ADGRL3: variants seen among roughly 807,000 people sequenced by gnomAD.
ADGRL3 encodes the protein adhesion G protein-coupled receptor L3, also known as calcium-independent alpha-latrotoxin receptor 3.
In ADGRL3, 62 loss-of-function variants were observed where a neutral mutation model predicts 153.5. The observed-to-expected ratio is 0.40, with a 90% confidence interval of 0.33 to 0.50. ADGRL3 has a LOEUF of 0.50. Among genes scored for constraint, ADGRL3 ranks in the 20% least tolerant of loss-of-function variants. ADGRL3 has a pLI of 0.47. For missense variants in ADGRL3, 1,641 were observed against 1,859.4 expected (o/e 0.88, Z 2.16); for synonymous variants, 710 against 672.5 (o/e 1.06, Z -0.86).
chr4:61,536,450 TAATC>T (rs1215790471), intron 4 of ADGRL3, among the ~76,000 whole-genome samples: 3 of 152,118 alleles, frequency 2.0e-5, no homozygotes, highest in Non-Finnish European at 4.4e-5. Context: ...TCTGCGTTGA[TAATC>T]TATCTACTGC....
intron 5 of ADGRL3, among the ~76,000 whole-genome samples, chr4:61,611,359 A>G (rs942917533): frequency 1.3e-5 from 2 of 152,140 alleles, no homozygotes; most frequent in South Asian, 2.1e-4. Context: ...GTGCTGGCCT[A>G]TATAGTTTCC....
intron 1 of ADGRL3, among the ~76,000 whole-genome samples, chr4:61,261,244 C>G (rs1379561907): frequency 1.4e-5 from 2 of 141,612 alleles, no homozygotes; most frequent in African/African-American, 5.4e-5. Flanking sequence ...GTTCCCCAGG[C>G]TGGTTTCAAA....
chr4:61,628,174 A>G (rs2092945392), intron 5 of ADGRL3, among the ~76,000 whole-genome samples: 2 of 152,272 alleles, frequency 1.3e-5, no homozygotes, highest in South Asian at 4.1e-4. Context: ...AAGTACTAAT[A>G]TTGTCTCCTA....
chr4:62,036,726 C>G (rs111334667), intron 23 of ADGRL3, among the ~76,000 whole-genome samples: 5 of 151,748 alleles, frequency 3.3e-5, no homozygotes, highest in Non-Finnish European at 7.4e-5. Flanking sequence ...TGCACTAATG[C>G]GAAATCAAAT....
chr4:61,716,872 T>C (rs1254390453), intron 6 of ADGRL3, among the ~76,000 whole-genome samples: 1 of 152,124 alleles, frequency 6.6e-6, no homozygotes, highest in African/African-American at 2.4e-5. Flanking sequence ...ATACTGTCTT[T>C]CCTTTTATTA....
intron 5 of ADGRL3, among the ~76,000 whole-genome samples, chr4:61,671,541 T>C (rs2150797106): frequency 6.6e-6 from 1 of 152,348 alleles, no homozygotes; most frequent in East Asian, 1.9e-4. Flanking sequence ...GCATATCTTT[T>C]TGATTGCAGA....
intron 9 of ADGRL3, among the ~76,000 whole-genome samples, chr4:61,841,309 C>T (rs2098028620): frequency 1.3e-5 from 2 of 152,112 alleles, no homozygotes; most frequent in African/African-American, 2.4e-5. Context: ...TGGAGGCTCA[C>T]GTATTTGCAT....
intron 8 of ADGRL3, among the ~76,000 whole-genome samples, chr4:61,735,566 G>T (rs74984756): frequency 0.15 from 23,098 of 152,012 alleles, 2,021 homozygotes; most frequent in Admixed American, 0.19. Context: ...TTTCATAGCT[G>T]TGATATTCTT....
intron 13 of ADGRL3, among the ~76,000 whole-genome samples, chr4:61,924,487 A>G (rs921748961): frequency 2.0e-5 from 3 of 152,304 alleles, no homozygotes; most frequent in Admixed American, 1.3e-4. Context: ...CAATTTCTCA[A>G]TATCTTCACT....
At chr4:61,798,884 G>A (rs2097448529) in intron 8 of ADGRL3, among the ~76,000 whole-genome samples, 1 of 150,844 alleles carries the variant, frequency 6.6e-6, no homozygotes, top group Non-Finnish European at 1.5e-5. Context: ...CCAAAGTGCT[G>A]GGATCATAGG....
chr4:61,435,209 G>C (rs966580603), intron 2 of ADGRL3, among the ~76,000 whole-genome samples: 1 of 151,922 alleles, frequency 6.6e-6, no homozygotes, highest in Non-Finnish European at 1.5e-5. Flanking sequence ...ATTTGATATA[G>C]AGCTATTTTA....
intron 2 of ADGRL3, among the ~76,000 whole-genome samples, chr4:61,417,096 G>C (rs1269234392): frequency 1.3e-5 from 2 of 152,092 alleles, no homozygotes; most frequent in African/African-American, 4.8e-5. Flanking sequence ...ATCCTAGGTG[G>C]TAATGTTTGC....
chr4:61,636,503 A>G (rs1442957808), intron 5 of ADGRL3, among the ~76,000 whole-genome samples: 1 of 152,102 alleles, frequency 6.6e-6, no homozygotes, highest in African/African-American at 2.4e-5. Context: ...TTAATACTCC[A>G]CCAAAATATC....
chr4:61,543,399 G>T (rs1276882139), intron 4 of ADGRL3, among the ~76,000 whole-genome samples: 2 of 152,152 alleles, frequency 1.3e-5, no homozygotes, highest in African/African-American at 4.8e-5. Context: ...CATCTTTGAA[G>T]ATGAAGGAAA....
At chr4:61,449,431 G>T (rs545430904) in intron 2 of ADGRL3, among the ~76,000 whole-genome samples, 1 of 151,962 alleles carries the variant, frequency 6.6e-6, no homozygotes, top group African/African-American at 2.4e-5. Context: ...CACCACGCCC[G>T]GCCTATTTTT....
chr4:61,793,152 T>C (rs970619424), intron 8 of ADGRL3, among the ~76,000 whole-genome samples: 2 of 151,592 alleles, frequency 1.3e-5, no homozygotes, highest in Non-Finnish European at 2.9e-5. Context: ...CAGCCGGGTG[T>C]GGTGGCTCAT....
In ADGRL3 at chr4:61,926,587, C is replaced by T. The variant is rs112726645; in HGVS notation, c.2113-8253C>T. ...AGCCTTTAGCAAGTTACTTAACTTC[C>T]CTGAGTCTCAATATTCTCACTGTAA... On this transcript the variant is annotated intron_variant, in intron 13 of 26. Transcript: ENST00000683033. 2.5e-3 allele frequency among the ~76,000 whole-genome samples: 379 copies of T among 152,186 alleles called. 3 individuals carry two copies. The highest frequency in any genetic ancestry group is 8.0e-3 in the African/African-American group (334 of 41,528).
intron 17 of ADGRL3, among the ~76,000 whole-genome samples, chr4:61,959,011 A>G (rs541970614): frequency 6.6e-6 from 1 of 152,232 alleles, no homozygotes. Flanking sequence ...AAAAGTAACC[A>G]TTATAAAATT....
At chr4:61,987,104 CTTTTATTTTATTTTA>C (rs60189277) in intron 19 of ADGRL3, among the ~76,000 whole-genome samples, 2,534 of 141,144 alleles carry the variant, frequency 0.018, 55 homozygotes, top group African/African-American at 0.055. Context: ...TTGTATATTG[CTTTTATTTTATTTTA>C]TTTTATTTTA....
Sources: allele counts gnomAD v4.1 joint callset (sites outside exome capture counted in the v4.1 genomes callset), GRCh38; gene constraint gnomAD v4.1.1; transcripts MANE v1.5; gene names NCBI Gene and HGNC (gene_info 2026-07-23, HGNC 2026-07-21).